Variants in CERS6 observed in about 807,000 individuals in gnomAD.
CERS6 encodes ceramide synthase 6.
A neutral mutation model predicts 56.8 loss-of-function variants in CERS6; 26 were observed. The observed-to-expected ratio is 0.46, with a 90% CI of 0.34 to 0.63. The LOEUF (loss-of-function observed/expected upper bound fraction) is 0.63, where lower values mean the gene tolerates loss of function less well. CERS6 is among the 30% of genes least tolerant of loss of function. CERS6 has a pLI of 0.01. For synonymous variants in CERS6, 164 were observed against 173.3 expected, an observed-to-expected ratio of 0.95 and a Z score of 0.42; for missense variants, 415 against 467.5, an observed-to-expected ratio of 0.89 and a Z score of 1.04.
intron 4 of CERS6, among the ~76,000 whole-genome samples, chr2:168,679,232 G>A (rs78015554): frequency 0.014 from 2,066 of 152,236 alleles, 60 homozygotes; most frequent in African/African-American, 0.046. Flanking sequence ...TAGATGGGGG[G>A]AATAAGTTCT....
intron 4 of CERS6, among the ~76,000 whole-genome samples, chr2:168,663,395 T>G (rs867824015): frequency 1.3e-5 from 2 of 152,196 alleles, no homozygotes; most frequent in Middle Eastern, 3.4e-3. Flanking sequence ...ATGCAGAATT[T>G]AAAAAAACTA....
intron 9 of CERS6, among the ~76,000 whole-genome samples, chr2:168,769,138 A>G (rs1046553790): frequency 5.9e-5 from 9 of 152,158 alleles, no homozygotes; most frequent in African/African-American, 1.7e-4. Flanking sequence ...CTCAAGGAGA[A>G]TGTGATCATC....
chr2:168,594,388 C>A (rs942963774), intron 3 of CERS6, among the ~76,000 whole-genome samples: 1 of 152,088 alleles, frequency 6.6e-6, no homozygotes, highest in Admixed American at 6.5e-5. Flanking sequence ...AGTTTGAGAC[C>A]AGCCTGTGCA....
intron 6 of CERS6, among the ~76,000 whole-genome samples, chr2:168,713,707 TC>T (rs1260579936): frequency 1.3e-5 from 2 of 152,122 alleles, no homozygotes; most frequent in Non-Finnish European, 2.9e-5. Context: ...AGGGCTTCAA[TC>T]CCCACCAGTA....
rs10651781 is a variant in CERS6, at chr2:168,600,190, T to TTCTCTCTCTC, written c.408-30783_408-30774dup. ...CTTATTATGCTGTAAACTACCATATTTCTCTCTCTCTCTCTCTCTCTTTTT... is the reference window on the plus strand; with the variant it reads ...CTTATTATGCTGTAAACTACCATATTTCTCTCTCTCTCTCTCTCTCTCTCTCTCTCTTTTT... On this transcript the variant is annotated intron_variant, in intron 3 of 9. Transcript: ENST00000305747. 4.0e-3 allele frequency among the ~76,000 whole-genome samples: 551 copies of TTCTCTCTCTC among 138,038 alleles called. 7 individuals are homozygous for TTCTCTCTCTC. Among genetic ancestry groups the TTCTCTCTCTC allele is most frequent in the South Asian group, 0.034 (147 of 4,356 alleles). The allele number at this position is 138,038 out of a possible 152,430, so 90.6% of individuals were successfully genotyped here.
intron 4 of CERS6, among the ~76,000 whole-genome samples, chr2:168,645,116 A>ATATATATATATAT (rs1193983720): frequency 1.6e-4 from 3 of 19,032 alleles, no homozygotes; most frequent in African/African-American, 3.3e-4. Flanking sequence ...AAAAAAAAAA[A>ATATATATATATAT]ATATATATAT....
chr2:168,475,402 A>G (rs886265993), intron 1 of CERS6, among the ~76,000 whole-genome samples: 2 of 152,036 alleles, frequency 1.3e-5, no homozygotes, highest in Admixed American at 1.3e-4. Context: ...GAATAAAGAC[A>G]TTCTAGGATG....
In CERS6 at chr2:168,765,745, C is replaced by G; in HGVS notation, c.999C>G (p.Gly333=). ...TAGCTTGCAAAGCTGTTTCAAGAGG[C>G]AAGGTAAGCTACAACTCACTTTTTC... The part of the protein sequence containing the change: ...VKIACKAVSR[G]KVSKDDRSDI... Residue 333 remains glycine (G), a synonymous_variant, in exon 9 of 10, where the codon GGC becomes GGG. Transcript: ENST00000305747. 1 of 1,609,572 alleles carries G rather than the reference C, an allele frequency of 6.2e-7. No individual in the cohort carries two copies.
At chr2:168,528,342 C>G (rs916679244) in intron 1 of CERS6, among the ~76,000 whole-genome samples, 1 of 152,192 alleles carries the variant, frequency 6.6e-6, no homozygotes, top group African/African-American at 2.4e-5. Flanking sequence ...TGGGGGGCTG[C>G]CCCCTCATCA....
Position 168,456,963 on chromosome 2 carries a change from C to G in CERS6, c.170+345C>G, listed in dbSNP as rs984777018. Reference sequence around the variant, plus strand: ...GACCCGCCGCATTCCGCGGGGCTCGCCCCTCTCCGCCGGCGCGCCACGCAA... The same window carrying G: ...GACCCGCCGCATTCCGCGGGGCTCGGCCCTCTCCGCCGGCGCGCCACGCAA... On this transcript the variant is annotated intron_variant, in intron 1 of 9. Coordinates refer to ENST00000305747, the MANE Select transcript of CERS6 (RefSeq NM_203463.3). The surrounding 1 kb of genome is among the most constrained non-coding windows in gnomAD (Gnocchi z 4.1). Among the ~76,000 whole-genome samples the G allele has an allele frequency of 6.6e-6, 1 of 152,224 alleles. No individual in the cohort carries two copies. Among genetic ancestry groups the G allele is most frequent in the Non-Finnish European group, 1.5e-5 (1 of 68,026 alleles).
At chr2:168,762,405 G>A (rs1487241030) in intron 8 of CERS6, among the ~76,000 whole-genome samples, 2 of 151,868 alleles carry the variant, frequency 1.3e-5, no homozygotes, top group Non-Finnish European at 2.9e-5. Flanking sequence ...GGCTTTCCGT[G>A]GTTTTCCTGA....
chr2:168,723,370 G>C (rs1047162740), intron 8 of CERS6, among the ~76,000 whole-genome samples: 7 of 152,060 alleles, frequency 4.6e-5, no homozygotes, highest in Admixed American at 2.6e-4. Context: ...ACCCTGGAAC[G>C]ATATACAGTG....
intron 1 of CERS6, among the ~76,000 whole-genome samples, chr2:168,474,786 T>C (rs1171784913): frequency 2.6e-5 from 4 of 152,232 alleles, no homozygotes; most frequent in Non-Finnish European, 5.9e-5. Context: ...GCCTTAGGGT[T>C]ACTTAGCTAA....
chr2:168,465,891 A>G (rs1340148532), intron 1 of CERS6, among the ~76,000 whole-genome samples: 1 of 152,218 alleles, frequency 6.6e-6, no homozygotes, highest in African/African-American at 2.4e-5. Flanking sequence ...TAAAAAAAAT[A>G]GAAGATTTGC....
At chr2:168,486,345 G>C (rs180764597) in intron 1 of CERS6, among the ~76,000 whole-genome samples, 1 of 152,066 alleles carries the variant, frequency 6.6e-6, no homozygotes, top group South Asian at 2.1e-4. Flanking sequence ...TCAGCTTACT[G>C]ATTTTTTTCT....
At chr2:168,535,217 G>A (rs777917862) in intron 1 of CERS6, among the ~76,000 whole-genome samples, 1 of 152,328 alleles carries the variant, frequency 6.6e-6, no homozygotes, top group Admixed American at 6.5e-5. Flanking sequence ...GCAGGCAGCC[G>A]CAGCTGTGGT....
intron 3 of CERS6, among the ~76,000 whole-genome samples, chr2:168,621,733 C>G (rs972794852): frequency 1.3e-5 from 2 of 151,986 alleles, no homozygotes; most frequent in Admixed American, 6.6e-5. Context: ...AGCCTATGAC[C>G]AAAGCACTAA....
At chr2:168,463,549 ATTG>A (rs1693814157) in intron 1 of CERS6, among the ~76,000 whole-genome samples, 1 of 152,190 alleles carries the variant, frequency 6.6e-6, no homozygotes, top group South Asian at 2.1e-4. Context: ...AAATTGCCAA[ATTG>A]TTGTCCAGAA....
chr2:168,588,531 T>A (rs554823799), intron 3 of CERS6, among the ~76,000 whole-genome samples: 54 of 152,348 alleles, frequency 3.5e-4, no homozygotes, highest in African/African-American at 9.4e-4. Flanking sequence ...TGTAACTGCC[T>A]TATTTCACTT....
Sources: gnomAD v4.1 joint callset for allele counts (sites outside exome capture counted in the v4.1 genomes callset) on GRCh38, gnomAD v4.1.1 for gene constraint, Gnocchi (gnomAD v3.1) non-coding constraint, MANE v1.5 for transcripts, NCBI Gene and HGNC (gene_info 2026-07-23, HGNC 2026-07-21) for gene names.